TTC29: variants seen among roughly 807,000 people sequenced by gnomAD.
TTC29 encodes tetratricopeptide repeat protein 29.
A neutral mutation model predicts 58.1 loss-of-function variants in TTC29; 49 were observed. The observed-to-expected ratio is 0.84, with a 90% CI of 0.67 to 1.07. The LOEUF is 1.07. Ranked by LOEUF, TTC29 falls within the 50% of genes least tolerant of loss-of-function variation. TTC29 has a pLI of 0.00. For synonymous variants in TTC29, 209 were observed against 196.8 expected, an observed-to-expected ratio of 1.06 and a Z score of -0.52; for missense variants, 582 against 555.6, an observed-to-expected ratio of 1.05 and a Z score of -0.48.
intron 10 of TTC29, 136 bp from the exon 11 acceptor site, chr4:146,803,821 G>A (rs904090837): frequency 1.6e-6 from 1 of 619,212 alleles, no homozygotes; most frequent in Admixed American, 3.1e-5. Context: ...GAAACAGATG[G>A]CAAGCAGGCT....
At chr4:146,778,018 T>G (rs1342179549) in intron 11 of TTC29, among the ~76,000 whole-genome samples, 2 of 152,180 alleles carry the variant, frequency 1.3e-5, no homozygotes, top group Non-Finnish European at 2.9e-5. Flanking sequence ...CTACTGAATA[T>G]CTCAATGGAG....
intron 9 of TTC29, among the ~76,000 whole-genome samples, chr4:146,821,025 GAA>G (rs879449860): frequency 1.5e-5 from 2 of 132,518 alleles, no homozygotes; most frequent in South Asian, 2.4e-4. Flanking sequence ...GTCTCAGAAA[GAA>G]AAAAAAAAAA....
chr4:146,877,649 C>T (rs2150227617), intron 6 of TTC29, among the ~76,000 whole-genome samples: 1 of 152,014 alleles, frequency 6.6e-6, no homozygotes, highest in Admixed American at 6.6e-5. Flanking sequence ...AGCACTGTAG[C>T]CCTGGAAAGA....
chr4:146,884,288 C>T (rs2150237472), intron 6 of TTC29, among the ~76,000 whole-genome samples: 1 of 152,118 alleles, frequency 6.6e-6, no homozygotes, highest in East Asian at 1.9e-4. Context: ...GACGCACCTT[C>T]GAAAATGTTT....
At chr4:146,871,314 T>C (rs1730914761) in intron 7 of TTC29, among the ~76,000 whole-genome samples, 1 of 151,776 alleles carries the variant, frequency 6.6e-6, no homozygotes, top group Non-Finnish European at 1.5e-5. Flanking sequence ...CTCAACAAAC[T>C]TGGAATAGAA....
rs899640608 is a variant in TTC29 at position 146,886,223 on chromosome 4, C to T, written c.587-11295G>A. The stretch of plus-strand genomic sequence containing the variant: ...ATTCTCTTCACCAGTCTGAATGCCT[C>T]CTGTATCTTCCTTCTGCTTTTTATT... On this transcript the variant is annotated intron_variant, in intron 6 of 12. Coordinates refer to ENST00000325106, the MANE Select transcript of TTC29 (RefSeq NM_031956.4). 2.6e-5 allele frequency among the ~76,000 whole-genome samples: 4 copies of T among 152,170 alleles called. No homozygotes were observed. In the South Asian group the frequency reaches 8.3e-4, roughly 32 times the overall value.
chr4:146,928,188 G>T (rs931389716), intron 4 of TTC29, among the ~76,000 whole-genome samples: 7 of 152,144 alleles, frequency 4.6e-5, no homozygotes, highest in Admixed American at 2.0e-4. Context: ...GAAGACCTGA[G>T]TATTTTCAGA....
At position 146,867,521 on chromosome 4, in the gene TTC29, C is replaced by A; in HGVS notation, c.862G>T (p.Glu288Ter). 1 of 1,545,940 alleles carries A rather than the reference C, an allele frequency of 6.5e-7. No individual in the cohort carries two copies. The highest frequency in any genetic ancestry group is 1.9e-5 in the Admixed American group (1 of 52,610). ...YYLGLAHLAA[E>*]EYETALTVLD... Reference sequence around the variant, plus strand: ...ACTGTTAATGCTGTTTCATATTCCTCAGCAGCTAAGTGTGCTAAGCCCAAG... The same window carrying A: ...ACTGTTAATGCTGTTTCATATTCCTAAGCAGCTAAGTGTGCTAAGCCCAAG... The change falls in exon 8 of 13, where the codon GAG becomes TAG. Residue 288 changes from glutamate to a stop codon, truncating the protein, a stop_gained. Coordinates refer to ENST00000325106, the MANE Select transcript of TTC29 (RefSeq NM_031956.4). LOFTEE classifies it high-confidence loss of function.
chr4:146,707,646 G>T, intron 11 of TTC29, 95 bp from the exon 12 acceptor site: 1 of 830,974 alleles, frequency 1.2e-6, no homozygotes, highest in Non-Finnish European at 1.9e-6. Flanking sequence ...AGGGATATCT[G>T]TCCTTATCAC....
intron 11 of TTC29, among the ~76,000 whole-genome samples, chr4:146,778,999 AAAAAG>A (rs1422705811): frequency 8.9e-5 from 7 of 78,238 alleles, no homozygotes; most frequent in African/African-American, 3.6e-4. Flanking sequence ...AAAAAAAAAA[AAAAAG>A]AAAAGAAAAG....
intron 11 of TTC29, among the ~76,000 whole-genome samples, chr4:146,779,841 T>C (rs6839572): frequency 0.03 from 4,605 of 152,252 alleles, 233 homozygotes; most frequent in African/African-American, 0.1. Context: ...TTATAGGTTT[T>C]CATATAGCTT....
chr4:146,917,612 A>ATAACATCTAATTAGATATT (rs1229139204), intron 4 of TTC29, among the ~76,000 whole-genome samples: 1 of 144,386 alleles, frequency 6.9e-6, no homozygotes, highest in East Asian at 2.1e-4. Flanking sequence ...TATTATTTAT[A>ATAACATCTAATTAGATATT]ATATATAATT....
chr4:146,750,252 C>A (rs562137164), intron 11 of TTC29, among the ~76,000 whole-genome samples: 5 of 152,134 alleles, frequency 3.3e-5, no homozygotes, highest in Admixed American at 3.3e-4. Flanking sequence ...TGTGATCCGC[C>A]CGCCTCGGCC....
chr4:146,858,828 G>T (rs956571321), intron 8 of TTC29, among the ~76,000 whole-genome samples: 1 of 152,130 alleles, frequency 6.6e-6, no homozygotes, highest in Admixed American at 6.6e-5. Context: ...ATGGTGAGGT[G>T]GTAGCAGATC....
intron 9 of TTC29, among the ~76,000 whole-genome samples, chr4:146,821,577 T>A (rs1751830195): frequency 6.6e-6 from 1 of 152,208 alleles, no homozygotes; most frequent in South Asian, 2.1e-4. Flanking sequence ...GGAAGACATA[T>A]AATTTCTAGC....
At chr4:146,917,862 A>G (rs1427126912) in intron 4 of TTC29, among the ~76,000 whole-genome samples, 1 of 150,038 alleles carries the variant, frequency 6.7e-6, no homozygotes, top group Non-Finnish European at 1.5e-5. Flanking sequence ...TGCTATCCAA[A>G]TAAATGATTT....
chr4:146,826,271 T>A lies in TTC29; in HGVS notation c.978-6023A>T, dbSNP rs1040445299. ...ACCAGTTTTTCCTTTCCATATTTAG[T>A]GCTTCTTTCAGGGAAGCACCAGGAA... On this transcript the variant is annotated intron_variant, in intron 9 of 12. Transcript: ENST00000325106. 2.0e-5 allele frequency among the ~76,000 whole-genome samples: 3 copies of A among 152,212 alleles called. No individual in the cohort carries two copies. In the East Asian group the frequency reaches 5.8e-4, roughly 29 times the overall value.
At position 146,874,871 on chromosome 4, in the gene TTC29, C is replaced by T. The variant is rs201549008; in HGVS notation, c.644G>A (p.Arg215Gln). 72 of 1,613,376 alleles carry T rather than the reference C, an allele frequency of 4.5e-5. No individual in the cohort carries two copies. The highest frequency in any genetic ancestry group is 2.5e-4 in the African/African-American group (19 of 74,882). Residue 215 changes from arginine to glutamine, a missense_variant, in exon 7 of 13, where the codon CGG becomes CAG. Coordinates refer to ENST00000325106, the MANE Select transcript of TTC29 (RefSeq NM_031956.4). ...GCGGCCTGTCTCATCCTTCCATATCCGCCCCTGTGTCAATTGATGGAATGC... is the reference window on the plus strand; with the variant it reads ...GCGGCCTGTCTCATCCTTCCATATCTGCCCCTGTGTCAATTGATGGAATGC... ...YEAFHQLTQG[R>Q]IWKDETGRSL...
chr4:146,903,499 A>G, intron 6 of TTC29, 45 bp downstream of exon 6: 1 of 1,521,364 alleles, frequency 6.6e-7, no homozygotes, highest in Non-Finnish European at 8.9e-7. Flanking sequence ...TGATCTCAGG[A>G]TCCACCAAAA....
Sources: allele counts gnomAD v4.1 joint callset (sites outside exome capture counted in the v4.1 genomes callset), GRCh38; gene constraint gnomAD v4.1.1; transcripts MANE v1.5; gene names NCBI Gene and HGNC (gene_info 2026-07-23, HGNC 2026-07-21).